The following CCDC138 variants were observed in gnomAD, a reference collection of about 807,000 sequenced individuals.
CCDC138 encodes the protein coiled-coil domain-containing protein 138.
In CCDC138, 66 loss-of-function variants were observed where a neutral mutation model predicts 82.3. The observed-to-expected ratio is 0.80, with a 90% CI of 0.66 to 0.98. The LOEUF is 0.98. Ranked by LOEUF, CCDC138 falls within the 50% of genes least tolerant of loss-of-function variation. The pLI is 0.00. For synonymous variants in CCDC138, 297 were observed against 265.4 expected (o/e 1.12, Z -1.16); for missense variants, 816 against 758.9 (o/e 1.08, Z -0.88).
At chr2:108,821,357 C>CAA (rs59575532) in intron 10 of CCDC138, among the ~76,000 whole-genome samples, 1 of 151,200 alleles carries the variant, frequency 6.6e-6, no homozygotes, top group African/African-American at 2.4e-5. Flanking sequence ...GACTCCGTCT[C>CAA]AAAAAAAATA....
rs771557786 is a variant in CCDC138, at chr2:108,786,785, C to G, written c.-38C>G. The G allele has an allele frequency of 1.3e-6, 2 of 1,541,690 alleles. No homozygotes were observed. Among genetic ancestry groups the G allele is most frequent in the South Asian group, 2.4e-5 (2 of 84,872 alleles). ...CGCGTAGCGCCGCGGGTTTGATGAA[C>G]GCGGTTCCCGGGGAGACTGGTACGG... On this transcript the variant is annotated 5_prime_UTR_variant, in exon 1 of 15. Transcript: ENST00000295124.
At chr2:108,878,430 G>T, downstream of CCDC138, 1 of 215,860 alleles carries the variant, frequency 4.6e-6, no homozygotes, top group South Asian at 8.0e-5. Context: ...GTTCCAAGAG[G>T]AGACACTGGA....
chr2:108,876,269 A>G lies in CCDC138; in HGVS notation c.*16A>G, dbSNP rs761283856. 1 of 1,487,114 alleles carries G rather than the reference A, an allele frequency of 6.7e-7. No homozygotes were observed. The highest frequency in any genetic ancestry group is 2.3e-5 in the East Asian group (1 of 44,072). 92.1% of individuals were successfully genotyped at this position (1,487,114 alleles called of 1,614,324 possible). ...AAGCCCTTAGACTGGCTAATTTTTT[A>G]ATATAGTATATGTGGTGCTTATTTA... On this transcript the variant is annotated 3_prime_UTR_variant, in exon 15 of 15. Coordinates refer to ENST00000295124, the MANE Select transcript of CCDC138 (RefSeq NM_144978.3).
At chr2:108,865,751 C>T (rs1056245115) in intron 13 of CCDC138, among the ~76,000 whole-genome samples, 2 of 152,172 alleles carry the variant, frequency 1.3e-5, no homozygotes, top group African/African-American at 4.8e-5. Context: ...ACTCCCCTAT[C>T]CATTCCCAGG....
At chr2:108,817,632 A>T (rs965543607) in intron 10 of CCDC138, among the ~76,000 whole-genome samples, 1 of 152,192 alleles carries the variant, frequency 6.6e-6, no homozygotes, top group African/African-American at 2.4e-5. Flanking sequence ...CTCAGCTGAC[A>T]GTCACAAAGG....
chr2:108,803,123 T>A (rs1424858964), intron 6 of CCDC138, among the ~76,000 whole-genome samples: 1 of 152,226 alleles, frequency 6.6e-6, no homozygotes, highest in Non-Finnish European at 1.5e-5. Context: ...TGGGTGTTTT[T>A]TGTGCAGGTA....
intron 10 of CCDC138, among the ~76,000 whole-genome samples, chr2:108,822,644 ATAAC>A (rs1685910379): frequency 6.6e-6 from 1 of 152,246 alleles, no homozygotes; most frequent in African/African-American, 2.4e-5. Context: ...CCAAGGAAGG[ATAAC>A]TATAAAATCC....
chr2:108,875,925 T>A (rs1695963579), intron 14 of CCDC138, 163 bp from the exon 15 acceptor site: 1 of 162,786 alleles, frequency 6.1e-6, no homozygotes, highest in Non-Finnish European at 1.3e-5. Flanking sequence ...TAAAACCTAT[T>A]TTGTTTGTTT....
chr2:108,788,460 T>G (rs1243419364), intron 2 of CCDC138, among the ~76,000 whole-genome samples: 1 of 151,624 alleles, frequency 6.6e-6, no homozygotes, highest in Non-Finnish European at 1.5e-5. Context: ...GGCTCACGCC[T>G]GTAATCCCAG....
At chr2:108,820,087 C>CTTG (rs1685419564) in intron 10 of CCDC138, among the ~76,000 whole-genome samples, 3 of 152,066 alleles carry the variant, frequency 2.0e-5, no homozygotes, top group Non-Finnish European at 4.4e-5. Flanking sequence ...CAGAAGACAT[C>CTTG]AACACACTTG....
At chr2:108,875,963 T>G (rs1290028890) in intron 14 of CCDC138, 125 bp from the exon 15 acceptor site, 10 of 595,832 alleles carry the variant, frequency 1.7e-5, no homozygotes, top group Non-Finnish European at 2.8e-5. Context: ...AGTTGCCTAT[T>G]TTCTCCACTG....
intron 10 of CCDC138, among the ~76,000 whole-genome samples, chr2:108,838,959 A>G (rs1477967219): frequency 6.6e-6 from 1 of 152,182 alleles, no homozygotes; most frequent in Non-Finnish European, 1.5e-5. Context: ...TAATCTCCTT[A>G]AACTAGATGT....
chr2:108,813,629 A>G (rs1451173647), intron 9 of CCDC138, among the ~76,000 whole-genome samples: 12 of 152,194 alleles, frequency 7.9e-5, no homozygotes, highest in Admixed American at 5.9e-4. Context: ...AATTTGAGAT[A>G]TAAATTACAT....
chr2:108,790,475 G>C, intron 3 of CCDC138, among the ~76,000 whole-genome samples: 1 of 152,142 alleles, frequency 6.6e-6, no homozygotes, highest in East Asian at 1.9e-4. Flanking sequence ...TACTTGAAAT[G>C]GGGCTGGTCT....
chr2:108,818,412 C>T (rs1685135732), intron 10 of CCDC138, among the ~76,000 whole-genome samples: 1 of 152,174 alleles, frequency 6.6e-6, no homozygotes, highest in Non-Finnish European at 1.5e-5. Context: ...TTCATTTTAA[C>T]ATCTGTAAAT....
chr2:108,872,177 C>G (rs1695359347), intron 13 of CCDC138, among the ~76,000 whole-genome samples: 1 of 152,128 alleles, frequency 6.6e-6, no homozygotes, highest in African/African-American at 2.4e-5. Flanking sequence ...TTCATTGTTG[C>G]CTCGGAGAAT....
intron 5 of CCDC138, among the ~76,000 whole-genome samples, chr2:108,797,434 T>C (rs2149525251): frequency 6.6e-6 from 1 of 152,266 alleles, no homozygotes; most frequent in African/African-American, 2.4e-5. Context: ...GGTAAGTCAT[T>C]TCAATAGAGG....
At chr2:108,849,841 G>C (rs542869036) in intron 12 of CCDC138, among the ~76,000 whole-genome samples, 1 of 152,306 alleles carries the variant, frequency 6.6e-6, no homozygotes, top group Non-Finnish European at 1.5e-5. Context: ...ACATGCTGCT[G>C]CCATCAAGAA....
chr2:108,791,020 C>G (rs1378448164), intron 3 of CCDC138, among the ~76,000 whole-genome samples: 1 of 152,084 alleles, frequency 6.6e-6, no homozygotes, highest in Admixed American at 6.6e-5. Context: ...CTTCGGCCTC[C>G]CAAAGTGCTG....
Sources: gnomAD v4.1 joint callset for allele counts (sites outside exome capture counted in the v4.1 genomes callset) on GRCh38, gnomAD v4.1.1 for gene constraint, MANE v1.5 for transcripts, NCBI Gene and HGNC (gene_info 2026-07-23, HGNC 2026-07-21) for gene names.